MYL4: variants seen among roughly 807,000 people sequenced by gnomAD.
MYL4 encodes the protein atrial myosin light chain 1.
In MYL4, 16 loss-of-function variants were observed where a neutral mutation model predicts 21.6. The ratio of observed to expected loss-of-function variants is 0.74; its 90% CI spans 0.50 to 1.12. The LOEUF (loss-of-function observed/expected upper bound fraction) is 1.12. Ranked by LOEUF, MYL4 falls within the 50% of genes most tolerant of loss-of-function variation. The pLI is 0.00. For missense variants in MYL4, 249 were observed against 252.9 expected (o/e 0.98, Z 0.11); for synonymous variants, 82 against 95.7 (o/e 0.86, Z 0.83).
At chr17:47,212,849 C>T (rs55706273) in intron 1 of MYL4, among the ~76,000 whole-genome samples, 12,013 of 152,226 alleles carry the variant, frequency 0.079, 643 homozygotes, top group South Asian at 0.18. Context: ...TGACATGGAA[C>T]TTCAGCATGA....
rs182993587 is a variant in MYL4, at chr17:47,220,226, C to T, written c.313+173C>T. Among the ~76,000 whole-genome samples the T allele has an allele frequency of 4.2e-4, 64 of 152,374 alleles. 1 individual carries two copies. Among genetic ancestry groups the T allele is most frequent in the Admixed American group, 1.7e-3 (26 of 15,308 alleles). ...GTCCCATTTTGAGAATTTATCTAGA[C>T]GTCCCCGTACTTAAGTGACCCTTGA... is the stretch of plus-strand genomic sequence containing the variant. On this transcript the variant is annotated intron_variant, in intron 3 of 6. Coordinates refer to ENST00000393450, the MANE Select transcript of MYL4 (RefSeq NM_002476.2).
intron 3 of MYL4, among the ~76,000 whole-genome samples, chr17:47,220,922 C>T (rs754538008): frequency 4.6e-5 from 7 of 152,118 alleles, no homozygotes; most frequent in Admixed American, 1.3e-4. Flanking sequence ...CCTCCCCATC[C>T]CTTGGTTCTG....
chr17:47,196,145 T>C (rs767747170), upstream of MYL4, among the ~76,000 whole-genome samples: 1 of 152,192 alleles, frequency 6.6e-6, no homozygotes, highest in Non-Finnish European at 1.5e-5. Context: ...TGATTAAAGT[T>C]AAATGATATC....
chr17:47,209,045 T>G (rs2064751435), upstream of MYL4: 2 of 325,464 alleles, frequency 6.1e-6, no homozygotes, highest in South Asian at 6.4e-5. Context: ...GCTTATCAAC[T>G]GCTCAAGTCA....
At chr17:47,209,747 C>A in intron 1 of MYL4, 190 bp downstream of exon 1, 2 of 794,640 alleles carry the variant, frequency 2.5e-6, no homozygotes, top group East Asian at 2.6e-5. Flanking sequence ...AGTCATAAAC[C>A]TTTTCCGTCA....
chr17:47,207,381 AC>A (rs1169561406), upstream of MYL4, among the ~76,000 whole-genome samples: 1 of 152,196 alleles, frequency 6.6e-6, no homozygotes, highest in African/African-American at 2.4e-5. Context: ...GGCAACTTCA[AC>A]GTTTCCCTGG....
chr17:47,226,609 G>T (rs1409629897), downstream of MYL4, among the ~76,000 whole-genome samples: 1 of 152,208 alleles, frequency 6.6e-6, no homozygotes, highest in Admixed American at 6.5e-5. Flanking sequence ...ATTATATTTG[G>T]CTGTGCGTAT....
the MYL4 span, among the ~76,000 whole-genome samples, chr17:47,192,712 T>G: frequency 1.3e-5 from 2 of 152,152 alleles, no homozygotes; most frequent in South Asian, 4.1e-4. Flanking sequence ...TGTTGTGGTT[T>G]CTACTCATCC....
At chr17:47,226,926 C>T (rs373255943), downstream of MYL4, among the ~76,000 whole-genome samples, 1 of 152,218 alleles carries the variant, frequency 6.6e-6, no homozygotes, top group African/African-American at 2.4e-5. Flanking sequence ...ACGATCTCAG[C>T]TCACTGCAAC....
chr17:47,222,007 T>A (rs1042631708), intron 4 of MYL4, 152 bp downstream of exon 4: 2 of 938,560 alleles, frequency 2.1e-6, no homozygotes, highest in Non-Finnish European at 3.1e-6. Context: ...CTCCCTGGGC[T>A]CTGCAAGAAC....
chr17:47,218,080 C>A (rs566955069), intron 2 of MYL4, among the ~76,000 whole-genome samples: 1 of 149,486 alleles, frequency 6.7e-6, no homozygotes, highest in East Asian at 2.0e-4. Context: ...TAAAAAGAAA[C>A]CTATGATGTA....
intron 1 of MYL4, among the ~76,000 whole-genome samples, chr17:47,211,755 G>A (rs1032167191): frequency 1.1e-4 from 16 of 152,008 alleles, no homozygotes; most frequent in East Asian, 1.9e-4. Context: ...GTCAGTTCTC[G>A]GAGATGAGAC....
intron 1 of MYL4, among the ~76,000 whole-genome samples, chr17:47,211,604 T>G (rs952082090): frequency 6.6e-6 from 1 of 152,142 alleles, no homozygotes; most frequent in African/African-American, 2.4e-5. Context: ...TCTAGGGGGT[T>G]CCTTTAACTT....
chr17:47,190,597 C>T, the MYL4 span, among the ~76,000 whole-genome samples: 2 of 152,166 alleles, frequency 1.3e-5, no homozygotes, highest in Non-Finnish European at 2.9e-5. Context: ...CAGAGCTACA[C>T]TGCATCCTTC....
At chr17:47,205,467 G>A (rs1303935976), upstream of MYL4, among the ~76,000 whole-genome samples, 2 of 152,208 alleles carry the variant, frequency 1.3e-5, no homozygotes, top group African/African-American at 4.8e-5. Flanking sequence ...AAGACCATAA[G>A]ACGATGGAAG....
At chr17:47,215,844 GCAATGGTGCTAT>G (rs2064809487) in intron 2 of MYL4, among the ~76,000 whole-genome samples, 1 of 152,192 alleles carries the variant, frequency 6.6e-6, no homozygotes, top group Admixed American at 6.5e-5. Flanking sequence ...AGGCTGGAGT[GCAATGGTGCTAT>G]CATAGCTCAC....
chr17:47,221,667 C>T lies in MYL4; in HGVS notation c.314-15C>T, dbSNP rs201168298. 2 of 1,605,608 alleles carry T rather than the reference C, an allele frequency of 1.2e-6. No homozygotes were observed. Among genetic ancestry groups the T allele is most frequent in the Non-Finnish European group, 1.7e-6 (2 of 1,174,556 alleles). ...CTCACATTGATTTCTCTTTCTTTAC[C>T]CTGCCTGCCTGAAGAGATGAATGTC... On this transcript the variant is annotated splice_polypyrimidine_tract_variant and intron_variant, in intron 3 of 6. Transcript: ENST00000393450.
At chr17:47,227,535 T>C (rs1390678123), downstream of MYL4, among the ~76,000 whole-genome samples, 1 of 152,030 alleles carries the variant, frequency 6.6e-6, no homozygotes, top group Non-Finnish European at 1.5e-5. Context: ...GCCTCTCCTT[T>C]CACCTCCACC....
chr17:47,202,498 G>C (rs1304225644), intron 1 of MYL4, among the ~76,000 whole-genome samples: 1 of 152,116 alleles, frequency 6.6e-6, no homozygotes, highest in Admixed American at 6.6e-5. Context: ...TTTCTTTAAT[G>C]TTTACATGCA....
Sources: allele counts gnomAD v4.1 joint callset (sites outside exome capture counted in the v4.1 genomes callset), GRCh38; gene constraint gnomAD v4.1.1; transcripts MANE v1.5; gene names NCBI Gene and HGNC (gene_info 2026-07-23, HGNC 2026-07-21).